The following RABGAP1L variants were observed in gnomAD, a reference collection of about 807,000 sequenced individuals.
RABGAP1L encodes rab GTPase-activating protein 1-like.
A neutral mutation model predicts 137.7 loss-of-function variants in RABGAP1L; 63 were observed. The ratio of observed to expected loss-of-function variants is 0.46; its 90% CI spans 0.37 to 0.56. The LOEUF is 0.56. Among genes scored for constraint, RABGAP1L ranks in the 20% least tolerant of loss-of-function variants. RABGAP1L has a pLI of 0.00. For missense variants in RABGAP1L, 1,095 were observed against 1,244.0 expected, an observed-to-expected ratio of 0.88 and a Z score of 1.80; for synonymous variants, 431 against 433.7, an observed-to-expected ratio of 0.99 and a Z score of 0.08.
At chr1:174,299,501 T>G (rs6676239) in intron 10 of RABGAP1L, among the ~76,000 whole-genome samples, 3,074 of 152,326 alleles carry the variant, frequency 0.02, 110 homozygotes, top group African/African-American at 0.071. Context: ...AATGAATTCT[T>G]ACTGCACTGA....
At chr1:174,246,195 T>TA (rs1470666076) in intron 5 of RABGAP1L, 2 of 152,196 alleles carry the variant, frequency 1.3e-5, no homozygotes, top group Non-Finnish European at 2.9e-5. Context: ...CCATTCCAGA[T>TA]ATCTACATGT....
At chr1:174,977,924 C>T (rs74128527) in intron 22 of RABGAP1L, among the ~76,000 whole-genome samples, 2,016 of 152,128 alleles carry the variant, frequency 0.013, 59 homozygotes, top group African/African-American at 0.047. Flanking sequence ...TTATAAATTG[C>T]AATAATTTAT....
At position 174,447,898 on chromosome 1, in the gene RABGAP1L, C is replaced by G. The variant is rs1302019265; in HGVS notation, c.1710+53753C>G. ...TCTCTCCACCCCTTACCGCCCCCCC[C>G]CCACCCCCCCGCCCGAAAGCTGAGG... On this transcript the variant is annotated intron_variant, in intron 13 of 25. Transcript: ENST00000681986. Among the ~76,000 whole-genome samples, 8 of 125,072 alleles carry G rather than the reference C, an allele frequency of 6.4e-5. 1 individual carries two copies. The highest frequency in any genetic ancestry group is 1.5e-4 in the African/African-American group (5 of 34,196). The allele number at this position is 125,072 out of a possible 152,430, so 82.1% of individuals were successfully genotyped here. A position where few individuals can be genotyped will look rare whatever the true frequency, so the allele number is the denominator to read the frequency against.
At chr1:174,318,713 T>G (rs892569440) in intron 11 of RABGAP1L, among the ~76,000 whole-genome samples, 6 of 151,798 alleles carry the variant, frequency 4.0e-5, no homozygotes, top group Non-Finnish European at 8.8e-5. Context: ...TATTTTATAA[T>G]GGCATACTTT....
intron 13 of RABGAP1L, among the ~76,000 whole-genome samples, chr1:174,624,940 G>A (rs946685920): frequency 2.0e-5 from 3 of 147,118 alleles, no homozygotes; most frequent in African/African-American, 7.5e-5. Context: ...GCGCAGTCTT[G>A]GTTCACTGCA....
intron 13 of RABGAP1L, among the ~76,000 whole-genome samples, chr1:174,513,564 G>A (rs996687026): frequency 9.2e-5 from 14 of 152,264 alleles, no homozygotes; most frequent in African/African-American, 2.6e-4. Context: ...AGTGAGCCAT[G>A]ATCACACCAC....
At chr1:174,802,067 A>G (rs759524075) in intron 18 of RABGAP1L, among the ~76,000 whole-genome samples, 1 of 152,222 alleles carries the variant, frequency 6.6e-6, no homozygotes, top group Non-Finnish European at 1.5e-5. Flanking sequence ...TCAACTCTGC[A>G]TTAGGGATGA....
chr1:174,316,770 G>A (rs1679412272), intron 11 of RABGAP1L, among the ~76,000 whole-genome samples: 1 of 152,084 alleles, frequency 6.6e-6, no homozygotes, highest in African/African-American at 2.4e-5. Context: ...CAGGGTTGGA[G>A]GTTCAGAGGT....
intron 18 of RABGAP1L, among the ~76,000 whole-genome samples, chr1:174,764,940 T>C (rs1448632443): frequency 6.6e-6 from 1 of 152,228 alleles, no homozygotes; most frequent in Non-Finnish European, 1.5e-5. Context: ...AATCCAGCCC[T>C]TCCATGATGT....
chr1:174,363,436 G>GT (rs1365467830), intron 11 of RABGAP1L, among the ~76,000 whole-genome samples: 1 of 152,064 alleles, frequency 6.6e-6, no homozygotes, highest in East Asian at 1.9e-4. Flanking sequence ...TTTTTCATTT[G>GT]TTTTTTCATC....
intron 14 of RABGAP1L, among the ~76,000 whole-genome samples, chr1:174,658,311 G>A (rs1430493786): frequency 6.6e-6 from 1 of 151,974 alleles, no homozygotes; most frequent in African/African-American, 2.4e-5. Context: ...CCTTTTTGCT[G>A]ATGTCACTGC....
At chr1:174,670,161 A>G (rs184971300) in intron 14 of RABGAP1L, among the ~76,000 whole-genome samples, 141 of 152,214 alleles carry the variant, frequency 9.3e-4, no homozygotes, top group African/African-American at 3.1e-3. Flanking sequence ...TTTCATCAAT[A>G]TATTACAGTT....
chr1:174,505,342 G>T (rs1246532894), intron 13 of RABGAP1L, among the ~76,000 whole-genome samples: 3 of 152,248 alleles, frequency 2.0e-5, no homozygotes, highest in East Asian at 1.9e-4. Flanking sequence ...TAGAATCAGG[G>T]TAGTCAAGAA....
chr1:174,297,293 C>T (rs1677211721), intron 10 of RABGAP1L, among the ~76,000 whole-genome samples: 1 of 152,088 alleles, frequency 6.6e-6, no homozygotes, highest in African/African-American at 2.4e-5. Context: ...ACAGAAATTT[C>T]GGCTTGCAGA....
At chr1:174,881,662 G>A (rs1012162616) in intron 19 of RABGAP1L, among the ~76,000 whole-genome samples, 4 of 151,770 alleles carry the variant, frequency 2.6e-5, no homozygotes, top group African/African-American at 9.7e-5. Flanking sequence ...ACCATGCCCA[G>A]CTAATTTTTG....
chr1:174,216,622 A>G (rs972671217), intron 1 of RABGAP1L, among the ~76,000 whole-genome samples: 2 of 149,612 alleles, frequency 1.3e-5, no homozygotes, highest in Non-Finnish European at 3.0e-5. Flanking sequence ...TAATCATCCA[A>G]TACATTTATT....
chr1:174,545,564 G>A (rs1410393208), intron 13 of RABGAP1L: 5 of 152,030 alleles, frequency 3.3e-5, no homozygotes, highest in African/African-American at 1.2e-4. Flanking sequence ...GGTGAGCAAT[G>A]CCCCACGCTG....
intron 17 of RABGAP1L, among the ~76,000 whole-genome samples, chr1:174,728,544 G>A (rs1365190495): frequency 1.3e-5 from 2 of 150,972 alleles, no homozygotes; most frequent in Admixed American, 1.3e-4. Flanking sequence ...TGGCCATACT[G>A]TGCAAAGTAA....
rs141775223 is a variant in RABGAP1L, at chr1:174,781,773, G to C, written c.2211+29419G>C. ...GTATAAGGAAGGGATCCAGTTTCAGGTTTCTACATATGGCTAGCCAGTTTT... is the reference window on the plus strand; with the variant it reads ...GTATAAGGAAGGGATCCAGTTTCAGCTTTCTACATATGGCTAGCCAGTTTT... On this transcript the variant is annotated intron_variant, in intron 18 of 25. Transcript: ENST00000681986. Among the ~76,000 whole-genome samples, 389 of 152,134 alleles carry C rather than the reference G, an allele frequency of 2.6e-3. 15 individuals are homozygous for C. In the East Asian group the frequency reaches 0.054, roughly 21 times the overall value.
Sources: gnomAD v4.1 joint callset for allele counts (sites outside exome capture counted in the v4.1 genomes callset) on GRCh38, gnomAD v4.1.1 for gene constraint, MANE v1.5 for transcripts, NCBI Gene and HGNC (gene_info 2026-07-23, HGNC 2026-07-21) for gene names.